FRMD5: variants seen among roughly 807,000 people sequenced by gnomAD.
The protein encoded by FRMD5 is FERM domain-containing protein 5.
A neutral mutation model predicts 69.0 loss-of-function variants in FRMD5; 20 were observed. That is an observed-to-expected ratio of 0.29 (90% CI 0.20 to 0.42). FRMD5 has a LOEUF of 0.42. Ranked by LOEUF, FRMD5 falls within the 10% of genes least tolerant of loss-of-function variation. FRMD5 has a pLI of 1.00. For missense variants in FRMD5, 595 were observed against 708.6 expected (o/e 0.84, Z 1.82); for synonymous variants, 271 against 260.1 (o/e 1.04, Z -0.40).
intron 7 of FRMD5, among the ~76,000 whole-genome samples, chr15:43,897,912 C>T (rs2088953315): frequency 6.7e-6 from 1 of 149,022 alleles, no homozygotes; most frequent in Admixed American, 6.6e-5. Flanking sequence ...TATGGCATCT[C>T]CCCCCTCATT....
intron 1 of FRMD5, among the ~76,000 whole-genome samples, chr15:44,142,562 T>C (rs1486992739): frequency 6.6e-6 from 1 of 152,152 alleles, no homozygotes; most frequent in Non-Finnish European, 1.5e-5. Flanking sequence ...AATATATAAC[T>C]ATTGAAAAAA....
At chr15:44,166,554 G>A (rs2077711693) in intron 1 of FRMD5, among the ~76,000 whole-genome samples, 1 of 152,038 alleles carries the variant, frequency 6.6e-6, no homozygotes, top group Non-Finnish European at 1.5e-5. Context: ...GGAGGCTGAG[G>A]ATGGTGGATC....
At chr15:44,129,793 G>C (rs1271620812) in intron 1 of FRMD5, among the ~76,000 whole-genome samples, 9 of 152,094 alleles carry the variant, frequency 5.9e-5, no homozygotes, top group Admixed American at 1.3e-4. Flanking sequence ...CAGTCATTTT[G>C]TTTCTTCCAA....
At chr15:43,926,276 G>A (rs997093260) in intron 1 of FRMD5, among the ~76,000 whole-genome samples, 1 of 152,174 alleles carries the variant, frequency 6.6e-6, no homozygotes, top group Non-Finnish European at 1.5e-5. Flanking sequence ...AGCATCCATC[G>A]CTGGCCTGTC....
Position 44,195,116 on chromosome 15 carries a change from T to A in FRMD5, c.-62A>T. The A allele has an allele frequency of 8.2e-7, 1 of 1,225,408 alleles. No homozygotes were observed. The highest frequency in any genetic ancestry group is 1.1e-6 in the Non-Finnish European group (1 of 936,560). 75.9% of individuals were successfully genotyped at this position (1,225,408 alleles called of 1,614,324 possible). On this transcript the variant is annotated 5_prime_UTR_variant, in exon 1 of 14. It removes the in-frame stop codon of an upstream open reading frame in the 5' UTR. Coordinates refer to ENST00000417257, the MANE Select transcript of FRMD5 (RefSeq NM_032892.5). ...CTGCGGACCCTGGACCAGGCGTCCC[T>A]CAGCCCGGCAGCTCCGCACCGACCC...
chr15:44,135,009 G>A (rs2077160809), intron 1 of FRMD5, among the ~76,000 whole-genome samples: 1 of 152,180 alleles, frequency 6.6e-6, no homozygotes, highest in Non-Finnish European at 1.5e-5. Flanking sequence ...TGTTACTCTC[G>A]CTACTGTAGA....
chr15:44,065,761 T>C (rs1416832166), intron 1 of FRMD5, among the ~76,000 whole-genome samples: 2 of 152,202 alleles, frequency 1.3e-5, no homozygotes, highest in East Asian at 3.9e-4. Flanking sequence ...AGAAATATTT[T>C]TAACTTTAAA....
At chr15:43,876,925 C>A (rs1337542572) in intron 13 of FRMD5, among the ~76,000 whole-genome samples, 3 of 152,114 alleles carry the variant, frequency 2.0e-5, no homozygotes. Flanking sequence ...ATTCTATCCC[C>A]TAAAACTACC....
At chr15:44,101,687 G>C (rs2076642881) in intron 1 of FRMD5, among the ~76,000 whole-genome samples, 1 of 152,128 alleles carries the variant, frequency 6.6e-6, no homozygotes. Flanking sequence ...ATACATTCCA[G>C]GTCCTAGGCA....
chr15:44,196,183 C>T (rs1209579549), upstream of FRMD5, among the ~76,000 whole-genome samples: 1 of 152,052 alleles, frequency 6.6e-6, no homozygotes, highest in Non-Finnish European at 1.5e-5. Context: ...TTATGTCGGC[C>T]GGGCGCAGTG....
At chr15:44,130,201 C>T (rs961529498) in intron 1 of FRMD5, among the ~76,000 whole-genome samples, 1 of 152,220 alleles carries the variant, frequency 6.6e-6, no homozygotes, top group Non-Finnish European at 1.5e-5. Context: ...ACATCTATTA[C>T]CCTGTGCAAG....
At chr15:44,109,976 TA>T (rs1291452957) in intron 1 of FRMD5, among the ~76,000 whole-genome samples, 1 of 152,250 alleles carries the variant, frequency 6.6e-6, no homozygotes, top group Non-Finnish European at 1.5e-5. Context: ...CATGGCTTGA[TA>T]ACACAGTTCT....
At chr15:43,879,809 TAGC>T (rs2088473418) in intron 13 of FRMD5, 7 of 396,188 alleles carry the variant, frequency 1.8e-5, no homozygotes, top group Admixed American at 4.4e-5. Flanking sequence ...TCCCACATCA[TAGC>T]AGCCCCTTGG....
chr15:44,088,033 T>C (rs748479957), intron 1 of FRMD5, among the ~76,000 whole-genome samples: 2 of 152,162 alleles, frequency 1.3e-5, no homozygotes, highest in South Asian at 2.1e-4. Flanking sequence ...ACATCTACCA[T>C]GTGCTAGTTT....
At position 43,874,011 on chromosome 15, in the gene FRMD5, AAT is replaced by A; in HGVS notation, c.1585_1586del (p.Ile529CysfsTer5). 1 of 1,614,216 alleles carries A rather than the reference AAT, an allele frequency of 6.2e-7. No individual in the cohort carries two copies. The highest frequency in any genetic ancestry group is 8.5e-7 in the Non-Finnish European group (1 of 1,180,028). On this transcript the variant is annotated frameshift_variant, in exon 14 of 14. Transcript: ENST00000417257. LOFTEE classifies it high-confidence loss of function. The part of the protein sequence containing the change: ...LIILTESDLD[I>X]AFFRDIRQTP... ...TCTGGCGGATATCACGGAAAAAGGC[AAT>A]GTCAAGGTCAGACTCGGTAAGGATG...
chr15:44,045,365 T>C (rs1595665681), intron 1 of FRMD5, among the ~76,000 whole-genome samples: 1 of 152,316 alleles, frequency 6.6e-6, no homozygotes, highest in East Asian at 1.9e-4. Context: ...TGTTATGCTG[T>C]CTCTTTTCTA....
chr15:43,885,326 C>T (rs1266177958), intron 11 of FRMD5, among the ~76,000 whole-genome samples: 3 of 152,148 alleles, frequency 2.0e-5, no homozygotes, highest in Non-Finnish European at 4.4e-5. Flanking sequence ...GTGTGTGCCA[C>T]CACACCCAGA....
intron 13 of FRMD5, chr15:43,875,898 ACTGCTGGGT>A (rs1333930809): frequency 3.7e-6 from 3 of 819,610 alleles, no homozygotes; most frequent in Admixed American, 1.8e-5. Context: ...TTTTGTCTTA[ACTGCTGGGT>A]CTGTAAACAC....
intron 1 of FRMD5, among the ~76,000 whole-genome samples, chr15:44,012,665 C>T (rs565451710): frequency 7.3e-5 from 11 of 151,480 alleles, no homozygotes; most frequent in Admixed American, 6.6e-4. Flanking sequence ...TCTCAATTAA[C>T]AGGGGGTACA....
Sources: allele counts gnomAD v4.1 joint callset (sites outside exome capture counted in the v4.1 genomes callset), GRCh38; gene constraint gnomAD v4.1.1; transcripts MANE v1.5; gene names NCBI Gene and HGNC (gene_info 2026-07-23, HGNC 2026-07-21).